FBXW12: variants seen among roughly 807,000 people sequenced by gnomAD.
FBXW12 encodes F-box and WD repeat domain containing 12, also known as F-box/WD repeat-containing protein 12.
FBXW12 carries 43 observed loss-of-function variants against 55.3 expected under a neutral mutation model. The observed-to-expected ratio is 0.78, with a 90% CI of 0.61 to 1.00. The LOEUF is 1.00. Among genes scored for constraint, FBXW12 ranks in the 50% least tolerant of loss-of-function variants. FBXW12 has a pLI of 0.00. For synonymous variants in FBXW12, 184 were observed against 203.8 expected (o/e 0.90, Z 0.83); for missense variants, 524 against 560.5 (o/e 0.93, Z 0.66).
intron 10 of FBXW12, among the ~76,000 whole-genome samples, chr3:48,391,264 CACA>C (rs1480463284): frequency 5.3e-5 from 8 of 151,434 alleles, no homozygotes; most frequent in East Asian, 1.9e-4. Flanking sequence ...GACTGAGTGA[CACA>C]ACAAGACCCT....
At chr3:48,394,127 A>G (rs1457731214) in intron 10 of FBXW12, among the ~76,000 whole-genome samples, 1 of 151,992 alleles carries the variant, frequency 6.6e-6, no homozygotes. Context: ...GCGTGCCTGT[A>G]GTTCCAACTA....
In FBXW12 at chr3:48,379,540, C is replaced by T; in HGVS notation, c.756C>T (p.Tyr252=). 1 of 1,614,088 alleles carries T rather than the reference C, an allele frequency of 6.2e-7. No homozygotes were observed. The highest frequency in any genetic ancestry group is 8.5e-7 in the Non-Finnish European group (1 of 1,179,934). The change falls in exon 7 of 11, where the codon TAC becomes TAT. Residue 252 remains tyrosine, a synonymous_variant. Coordinates refer to ENST00000296438, the MANE Select transcript of FBXW12 (RefSeq NM_207102.2). ...DKKWVFACGT[Y]SRTLPQVFLT... is the part of the protein sequence containing the mutation. ...AATGGGTATTTGCATGTGGGACATA[C>T]AGTCGTACCTTGCCACAGGTAGGTG...
intron 10 of FBXW12, among the ~76,000 whole-genome samples, chr3:48,385,291 T>C (rs1293167070): frequency 4.6e-5 from 7 of 152,148 alleles, no homozygotes; most frequent in African/African-American, 7.2e-5. Flanking sequence ...TCCATGCTGT[T>C]GCACGTGACA....
chr3:48,375,512 G>A, intron 5 of FBXW12, 40 bp downstream of exon 5: 2 of 1,195,412 alleles, frequency 1.7e-6, no homozygotes, highest in Non-Finnish European at 2.4e-6. Flanking sequence ...CTGCATATTT[G>A]CATCCATCCT....
Position 48,381,825 on chromosome 3 carries a change from T to C in FBXW12, c.1111T>C (p.Phe371Leu), listed in dbSNP as rs111279174. Residue 371 changes from phenylalanine (F) to leucine (L), a missense_variant, in exon 9 of 11, where the codon TTC (phenylalanine) becomes CTC (leucine). Coordinates refer to ENST00000296438, the MANE Select transcript of FBXW12 (RefSeq NM_207102.2). The part of the protein sequence containing the change: ...PYLLLFSITG[F>L]LLQRFEDHQA... ...CTTGTTACTCTTCAGCATCACTGGC[T>C]TCCTGCTGCAACGATTTGAGGACCA... The C allele has an allele frequency of 6.2e-7, 1 of 1,610,256 alleles. No individual in the cohort carries two copies. Among genetic ancestry groups the C allele is most frequent in the Non-Finnish European group, 8.5e-7 (1 of 1,177,274 alleles).
intron 10 of FBXW12, among the ~76,000 whole-genome samples, chr3:48,383,177 T>C (rs2036802021): frequency 6.6e-6 from 1 of 152,248 alleles, no homozygotes; most frequent in Non-Finnish European, 1.5e-5. Context: ...CAGACTTTCA[T>C]GGTTTTTGCT....
Position 48,378,338 on chromosome 3 carries a change from C to G in FBXW12, c.427C>G (p.Pro143Ala). The change falls in exon 6 of 11, where the codon CCA (proline) becomes GCA (alanine). Residue 143 changes from proline to alanine, a missense_variant. Coordinates refer to ENST00000296438, the MANE Select transcript of FBXW12 (RefSeq NM_207102.2). ...VQEGTMIWSS[P>A]VQEFHFSNLV... The stretch of plus-strand genomic sequence containing the variant: ...CTAGGGTACCATGATCTGGTCAAGC[C>G]CAGTCCAGGAGTTCCATTTCTCAAA... 6.2e-7 allele frequency: 1 copy of G among 1,613,978 alleles called. No individual in the cohort carries two copies. Among genetic ancestry groups the G allele is most frequent in the Non-Finnish European group, 8.5e-7 (1 of 1,179,962 alleles).
intron 5 of FBXW12, among the ~76,000 whole-genome samples, chr3:48,378,018 T>C (rs2036709151): frequency 6.6e-6 from 1 of 152,166 alleles, no homozygotes; most frequent in Non-Finnish European, 1.5e-5. Context: ...GAAGGCATGA[T>C]AGAAAGTGAC....
Position 48,373,613 on chromosome 3 carries a change from G to A in FBXW12, c.194G>A (p.Trp65Ter), listed in dbSNP as rs1156286740. The A allele has an allele frequency of 6.2e-7, 1 of 1,613,822 alleles. No individual in the cohort carries two copies. Among genetic ancestry groups the A allele is most frequent in the South Asian group, 1.1e-5 (1 of 91,078 alleles). ...FTNQHLGTHTWKQFFLHQRRK... is the reference protein window; with the variant it reads ...FTNQHLGTHT ...AATCAACACCTGGGCACACACACATGGAAGCAATTTTTCCTGCATCAAAGA... is the reference window on the plus strand; with the variant it reads ...AATCAACACCTGGGCACACACACATAGAAGCAATTTTTCCTGCATCAAAGA... Residue 65 changes from tryptophan (W) to a stop codon, truncating the protein, a stop_gained, in exon 4 of 11, where the codon TGG (tryptophan) becomes TAG (stop). Coordinates refer to ENST00000296438, the MANE Select transcript of FBXW12 (RefSeq NM_207102.2). LOFTEE classifies it high-confidence loss of function.
At chr3:48,387,100 A>C (rs1039275661) in intron 10 of FBXW12, among the ~76,000 whole-genome samples, 1 of 152,104 alleles carries the variant, frequency 6.6e-6, no homozygotes, top group Non-Finnish European at 1.5e-5. Flanking sequence ...TCAGTAGAAC[A>C]ATCTGGGCCT....
chr3:48,378,184 G>A lies in FBXW12; in HGVS notation c.406-133G>A, dbSNP rs192348100. ...CTCCTCCAAAATATTGAGATGTGGA[G>A]AACTTTCATATCCTCTGCCCAGAAG... On this transcript the variant is annotated intron_variant, in intron 5 of 10. Coordinates refer to ENST00000296438, the MANE Select transcript of FBXW12 (RefSeq NM_207102.2). The A allele has an allele frequency of 4.5e-5, 30 of 669,866 alleles. 1 individual carries two copies. Among genetic ancestry groups the A allele is most frequent in the African/African-American group, 3.8e-4 (21 of 55,174 alleles). 41.5% of individuals were successfully genotyped at this position (669,866 alleles called of 1,614,324 possible).
At chr3:48,391,003 C>T (rs1007361170) in intron 10 of FBXW12, among the ~76,000 whole-genome samples, 2 of 149,860 alleles carry the variant, frequency 1.3e-5, no homozygotes, top group South Asian at 2.1e-4. Flanking sequence ...AGCATAGTGG[C>T]TCATGCCTGT....
At chr3:48,377,359 C>T (rs1040187224) in intron 5 of FBXW12, among the ~76,000 whole-genome samples, 4 of 152,180 alleles carry the variant, frequency 2.6e-5, no homozygotes, top group Admixed American at 2.0e-4. Flanking sequence ...GTCATCAGCT[C>T]TTGGAGATCC....
chr3:48,373,487 G>A lies in FBXW12; in HGVS notation c.129-61G>A, dbSNP rs1160260483. The A allele has an allele frequency of 1.2e-5, 20 of 1,603,002 alleles. No individual in the cohort carries two copies. The South Asian group carries it at 1.4e-4, about 11-fold the overall frequency. On this transcript the variant is annotated intron_variant, in intron 3 of 10. Coordinates refer to ENST00000296438, the MANE Select transcript of FBXW12 (RefSeq NM_207102.2). ...GTGAGTAGGGGGTTGTGATATAACC[G>A]GGGCTCTGAGGAGGTGAACTGACTG...
chr3:48,375,367 G>C lies in FBXW12; in HGVS notation c.300G>C (p.Glu100Asp). 1 of 1,607,674 alleles carries C rather than the reference G, an allele frequency of 6.2e-7. No individual in the cohort carries two copies. ...GTTTCCTTCTAGCATTTGAGACGGAGTTGGCTTATCTCTCAGGAAATAGAC... is the reference window on the plus strand; with the variant it reads ...GTTTCCTTCTAGCATTTGAGACGGACTTGGCTTATCTCTCAGGAAATAGAC... ...KVTKNIAFETELAYLSGNRLT... is the reference protein window; with the variant it reads ...KVTKNIAFETDLAYLSGNRLT... The change falls in exon 5 of 11, where the codon GAG (glutamate) becomes GAC (aspartate). Residue 100 changes from glutamate to aspartate, a missense_variant. Coordinates refer to ENST00000296438, the MANE Select transcript of FBXW12 (RefSeq NM_207102.2).
At chr3:48,389,916 G>C (rs2036897283) in intron 10 of FBXW12, among the ~76,000 whole-genome samples, 1 of 152,084 alleles carries the variant, frequency 6.6e-6, no homozygotes, top group African/African-American at 2.4e-5. Flanking sequence ...TTCTACATAT[G>C]GCTAGTCAGC....
At chr3:48,374,787 A>T (rs6779352) in intron 4 of FBXW12, among the ~76,000 whole-genome samples, 1,142 of 9,036 alleles carry the variant, frequency 0.13, 7 homozygotes, top group South Asian at 0.28. Context: ...TTTTTTTTTT[A>T]AAAACAGAGT....
At chr3:48,393,821 C>T (rs1410345299) in intron 10 of FBXW12, among the ~76,000 whole-genome samples, 1 of 151,182 alleles carries the variant, frequency 6.6e-6, no homozygotes, top group Non-Finnish European at 1.5e-5. Context: ...CTGTGTCACC[C>T]AGCCTGGAGT....
chr3:48,374,494 A>T (rs1180722487), intron 4 of FBXW12, among the ~76,000 whole-genome samples: 1 of 151,522 alleles, frequency 6.6e-6, no homozygotes, highest in African/African-American at 2.4e-5. Context: ...TGCCCAACTA[A>T]TTTTTGTGTT....
Sources: gnomAD v4.1 joint callset for allele counts (sites outside exome capture counted in the v4.1 genomes callset) on GRCh38, gnomAD v4.1.1 for gene constraint, MANE v1.5 for transcripts, NCBI Gene and HGNC (gene_info 2026-07-23, HGNC 2026-07-21) for gene names.